The following MDN1 variants were observed in gnomAD, a reference collection of about 807,000 sequenced individuals.
The protein encoded by MDN1 is midasin.
MDN1 carries 266 observed loss-of-function variants against 669.2 expected under a neutral mutation model. That is an observed-to-expected ratio of 0.40 (90% CI 0.36 to 0.44). The LOEUF (loss-of-function observed/expected upper bound fraction) is 0.44, where lower values mean the gene tolerates loss of function less well. MDN1 is among the 20% of genes least tolerant of loss of function. The probability of loss-of-function intolerance (pLI) is 1.00; values close to 1 mark genes in which losing one functional copy is unlikely to be tolerated. For missense variants in MDN1, 5,940 were observed against 6,754.0 expected, an observed-to-expected ratio of 0.88 and a Z score of 4.22; for synonymous variants, 2,385 against 2,457.1, an observed-to-expected ratio of 0.97 and a Z score of 0.87.
At chr6:89,685,185 C>T (rs935372106) in intron 70 of MDN1, among the ~76,000 whole-genome samples, 200 bp from the exon 71 acceptor site, 14 of 152,008 alleles carry the variant, frequency 9.2e-5, no homozygotes, top group Non-Finnish European at 5.9e-5. Flanking sequence ...CAACACTCCC[C>T]TATTTTTCAC....
rs538974381 is a variant in MDN1 at position 89,766,520 on chromosome 6, A to G, written c.2145-3990T>C. ...ATAAACTACAAACAACCAAACAACT[A>G]AAGAGCAAGATTTTCAAACCGTCTT... On this transcript the variant is annotated intron_variant, in intron 15 of 101. Transcript: ENST00000369393. Among the ~76,000 whole-genome samples the G allele has an allele frequency of 2.2e-3, 340 of 152,310 alleles. 1 individual carries two copies. Among genetic ancestry groups the G allele is most frequent in the African/African-American group, 7.9e-3 (328 of 41,564 alleles).
rs144999933 is a variant in MDN1, at chr6:89,801,701, G to A, written c.329+1627C>T. On this transcript the variant is annotated intron_variant, in intron 2 of 101. Coordinates refer to ENST00000369393, the MANE Select transcript of MDN1 (RefSeq NM_014611.3). Reference sequence around the variant, plus strand: ...ACAAAAATTAGTGGAGTGTGATGGCGGGAGAATCACTTGAACCGGGAGGCA... The same window carrying A: ...ACAAAAATTAGTGGAGTGTGATGGCAGGAGAATCACTTGAACCGGGAGGCA... Among the ~76,000 whole-genome samples the A allele has an allele frequency of 2.3e-3, 345 of 151,602 alleles. 1 individual carries two copies. The highest frequency in any genetic ancestry group is 3.2e-3 in the Admixed American group (48 of 15,204).
chr6:89,697,046 A>G (rs573466656), intron 59 of MDN1, among the ~76,000 whole-genome samples: 1 of 152,356 alleles, frequency 6.6e-6, no homozygotes, highest in East Asian at 1.9e-4. Flanking sequence ...GTATAATGCC[A>G]TACAACCCTC....
chr6:89,681,160 C>G (rs559484121), intron 73 of MDN1, among the ~76,000 whole-genome samples: 23 of 151,530 alleles, frequency 1.5e-4, no homozygotes, highest in South Asian at 4.3e-4. Flanking sequence ...GTTTAAATTT[C>G]AGGAATTCAG....
intron 22 of MDN1, 137 bp downstream of exon 22, chr6:89,753,375 T>A: frequency 1.6e-6 from 1 of 628,076 alleles, no homozygotes. Context: ...AACATATGTT[T>A]CTGTAATGTT....
At chr6:89,714,445 C>A (rs1814187762) in intron 46 of MDN1, 98 bp downstream of exon 46, 4 of 1,091,926 alleles carry the variant, frequency 3.7e-6, no homozygotes, top group Admixed American at 2.5e-5. Context: ...TTTCTATATA[C>A]ACTAAATGTA....
Position 89,745,405 on chromosome 6 carries a change from A to C in MDN1, c.4046T>G (p.Leu1349Trp). Residue 1349 changes from leucine (L) to tryptophan (W), a missense_variant, in exon 29 of 102, where the codon TTG becomes TGG. Around this residue, in one of 5 missense-constraint regions of MDN1, gnomAD observed 2,292 missense variants for 2,638.3 expected, o/e 0.87. Transcript: ENST00000369393. ...CTCCAATGTGGATATCTGAGTAGAC[A>C]ATTTACCTATCCAAGGAAAAATAAA... ...KENVLKLLGK[L>W]STQISTLECN... 1.2e-6 allele frequency: 2 copies of C among 1,614,048 alleles called. No homozygotes were observed. The highest frequency in any genetic ancestry group is 1.7e-6 in the Non-Finnish European group (2 of 1,179,936).
At chr6:89,736,509 T>G (rs899041289) in intron 33 of MDN1, among the ~76,000 whole-genome samples, 1 of 152,204 alleles carries the variant, frequency 6.6e-6, no homozygotes, top group African/African-American at 2.4e-5. Flanking sequence ...TCTTCAGGCC[T>G]GCTTTGGTCT....
chr6:89,741,533 G>A (rs773130872), intron 31 of MDN1, among the ~76,000 whole-genome samples: 20 of 150,884 alleles, frequency 1.3e-4, no homozygotes, highest in Admixed American at 5.3e-4. Flanking sequence ...TTAAAATTAC[G>A]GCTCAGGACA....
chr6:89,809,715 G>GCAGTAAGC (rs1768254065), intron 1 of MDN1, among the ~76,000 whole-genome samples: 1 of 150,974 alleles, frequency 6.6e-6, no homozygotes, highest in African/African-American at 2.4e-5. Flanking sequence ...AGCAGAGGTT[G>GCAGTAAGC]CAGTAAGCCA....
At chr6:89,701,077 T>C (rs750763860) in intron 55 of MDN1, among the ~76,000 whole-genome samples, 13 of 152,238 alleles carry the variant, frequency 8.5e-5, no homozygotes, top group Non-Finnish European at 1.3e-4. Flanking sequence ...TGATAATATG[T>C]AGCAAATTAC....
In MDN1 at chr6:89,692,539, C is replaced by G. The variant is rs753652007; in HGVS notation, c.10491G>C (p.Gln3497His). Residue 3497 changes from glutamine to histidine, a missense_variant, in exon 63 of 102, where the codon CAG (glutamine) becomes CAC (histidine). Gln to His is a conservative substitution (Grantham distance 24). Transcript: ENST00000369393. ...GGTAAAGGAGAGCATTCATCAGCAG[C>G]TGCTCCCGAGTGGGACAGGCTTTCT... is the stretch of plus-strand genomic sequence containing the variant. ...KGQKACPTRE[Q>H]LLMNALLYLR... is the part of the protein sequence containing the mutation. 9 of 1,614,132 alleles carry G rather than the reference C, an allele frequency of 5.6e-6. No homozygotes were observed. Among genetic ancestry groups the G allele is most frequent in the Non-Finnish European group, 7.6e-6 (9 of 1,180,046 alleles).
At chr6:89,694,037 A>T (rs1241182150) in intron 62 of MDN1, 37 bp downstream of exon 62, 3 of 1,538,834 alleles carry the variant, frequency 1.9e-6, no homozygotes, top group South Asian at 1.1e-5. Context: ...AGGAGAGTCA[A>T]TAATCCCCAA....
At chr6:89,678,823 C>T (rs1811414894) in intron 74 of MDN1, 78 bp from the exon 75 acceptor site, 1 of 1,457,896 alleles carries the variant, frequency 6.9e-7, no homozygotes, top group Non-Finnish European at 9.3e-7. Flanking sequence ...TTACCCAACA[C>T]CAGGGACCTT....
At chr6:89,803,584 CTT>C (rs71027903) in intron 1 of MDN1, 30 bp from the exon 2 acceptor site, 8,974 of 1,246,730 alleles carry the variant, frequency 7.2e-3, no homozygotes, top group Middle Eastern at 8.0e-3. Flanking sequence ...ACATCTTTCA[CTT>C]TTTTTTTTTT....
rs907002315 is a variant in MDN1, at chr6:89,815,024, A to G, written c.102+4482T>C. The G allele has an allele frequency of 1.9e-5, 11 of 582,010 alleles. No individual in the cohort carries two copies. In the Middle Eastern group the frequency reaches 2.0e-3, roughly 103 times the overall value. 36.1% of individuals were successfully genotyped at this position (582,010 alleles called of 1,614,324 possible). A position where few individuals can be genotyped will look rare whatever the true frequency, so the allele number is the denominator to read the frequency against. ...AAGTGTCTGGTGGAGACCCAGGTGA[A>G]GGCCAGGAGGAGGAAGAAAGGGGTA... On this transcript the variant is annotated intron_variant, in intron 1 of 101. Coordinates refer to ENST00000369393, the MANE Select transcript of MDN1 (RefSeq NM_014611.3).
chr6:89,816,737 C>T (rs1009787638), intron 1 of MDN1, among the ~76,000 whole-genome samples: 6 of 140,042 alleles, frequency 4.3e-5, no homozygotes, highest in African/African-American at 1.6e-4. Context: ...TGCAGTGGTG[C>T]GATCTCAGCT....
chr6:89,705,077 T>G (rs764740570), intron 53 of MDN1, among the ~76,000 whole-genome samples: 71 of 152,358 alleles, frequency 4.7e-4, no homozygotes, highest in Admixed American at 1.2e-3. Context: ...CTTCATAAAC[T>G]TTATCCCAAA....
At chr6:89,808,818 C>A (rs547383349) in intron 1 of MDN1, among the ~76,000 whole-genome samples, 1 of 152,292 alleles carries the variant, frequency 6.6e-6, no homozygotes, top group African/African-American at 2.4e-5. Flanking sequence ...TGCTACCTAC[C>A]TTTCATCCAA....
Sources: gnomAD v4.1 joint callset for allele counts (sites outside exome capture counted in the v4.1 genomes callset) on GRCh38, gnomAD v4.1.1 for gene constraint, gnomAD v4.1.1 regional missense constraint, MANE v1.5 for transcripts, NCBI Gene and HGNC (gene_info 2026-07-23, HGNC 2026-07-21) for gene names.